The following PGAP2 variants were observed in gnomAD, a reference collection of about 807,000 sequenced individuals.
PGAP2 encodes the protein acyltransferase PGAP2.
Under a neutral mutation model 33.2 loss-of-function variants are expected in PGAP2, and 21 were observed. The ratio of observed to expected loss-of-function variants is 0.63; its 90% CI spans 0.45 to 0.91. PGAP2 has a LOEUF of 0.91. Ranked by LOEUF, PGAP2 falls within the 40% of genes least tolerant of loss-of-function variation. The pLI, the probability that PGAP2 is intolerant of heterozygous loss-of-function variation, is 0.00. For synonymous variants in PGAP2, 161 were observed against 172.9 expected (o/e 0.93, Z 0.54); for missense variants, 345 against 424.0 (o/e 0.81, Z 1.64).
At chr11:3,818,057 C>CAAAACAAA in intron 3 of PGAP2, 1 of 149,230 alleles carries the variant, frequency 6.7e-6, no homozygotes, top group South Asian at 7.0e-5. Context: ...AAAAACAAAA[C>CAAAACAAA]AAAATAAAAA....
intron 1 of PGAP2, among the ~76,000 whole-genome samples, chr11:3,809,425 A>G (rs74982890): frequency 2.0e-5 from 3 of 152,364 alleles, no homozygotes; most frequent in East Asian, 1.9e-4. Flanking sequence ...AAGGTCACAC[A>G]GCTAAATGGG....
At chr11:3,808,415 G>A (rs2134266574), upstream of PGAP2, 1 of 1,546,010 alleles carries the variant, frequency 6.5e-7, no homozygotes, top group South Asian at 1.2e-5. Flanking sequence ...GCAGACCCGG[G>A]CTGTAAAGCA....
chr11:3,808,140 G>C (rs1224806722), upstream of PGAP2: 1 of 1,453,312 alleles, frequency 6.9e-7, no homozygotes, highest in Admixed American at 2.2e-5. Context: ...GCAAAGTTTG[G>C]GGGAGGGGCG....
chr11:3,807,370 C>T (rs2084593669), upstream of PGAP2, among the ~76,000 whole-genome samples: 1 of 141,780 alleles, frequency 7.1e-6, no homozygotes, highest in Non-Finnish European at 1.5e-5. Flanking sequence ...TGCAGTGGTA[C>T]GATCTCAGCT....
intron 1 of PGAP2, among the ~76,000 whole-genome samples, chr11:3,799,835 C>T (rs1424704666): frequency 6.6e-6 from 1 of 152,076 alleles, no homozygotes; most frequent in Admixed American, 6.6e-5. Context: ...GGTGTGGTGG[C>T]AAGCGCCTGT....
In PGAP2 at chr11:3,811,496, A is replaced by G; in HGVS notation, c.165+72A>G. Reference sequence around the variant, plus strand: ...CTTCTTTAGATCTTGAATATCTTTTAACAAGATTAGCCAGCTCTCCACTGG... The same window carrying G: ...CTTCTTTAGATCTTGAATATCTTTTGACAAGATTAGCCAGCTCTCCACTGG... On this transcript the variant is annotated intron_variant, in intron 2 of 6. Coordinates refer to ENST00000278243, the MANE Select transcript of PGAP2 (RefSeq NM_014489.4). This position sits in a 1 kb window ranked among gnomAD's most constrained non-coding sequence, Gnocchi z 4.6. 2 of 1,427,194 alleles carry G rather than the reference A, an allele frequency of 1.4e-6. No homozygotes were observed. Among genetic ancestry groups the G allele is most frequent in the Non-Finnish European group, 9.6e-7 (1 of 1,043,838 alleles). 88.4% of individuals were successfully genotyped at this position (1,427,194 alleles called of 1,614,324 possible). A position where few individuals can be genotyped will look rare whatever the true frequency, so the allele number is the denominator to read the frequency against.
intron 4 of PGAP2, 32 bp downstream of exon 4, chr11:3,824,167 G>A: frequency 1.2e-6 from 2 of 1,613,470 alleles, no homozygotes; most frequent in Admixed American, 3.3e-5. Flanking sequence ...GAGTGGGGAA[G>A]TGTTCCCTGA....
At chr11:3,823,024 C>CTTTTTTTTTTTTTTTTTTTTT (rs746736798) in intron 3 of PGAP2, 10 of 307,690 alleles carry the variant, frequency 3.3e-5, no homozygotes, top group East Asian at 9.8e-5. Context: ...TTTTTCTTTT[C>CTTTTTTTTTTTTTTTTTTTTT]TTTTTTTTTT....
At position 3,825,666 on chromosome 11, in the gene PGAP2, C is replaced by A. The variant is rs1252320399; in HGVS notation, c.*208C>A. 1 of 436,892 alleles carries A rather than the reference C, an allele frequency of 2.3e-6. No individual in the cohort carries two copies. Among genetic ancestry groups the A allele is most frequent in the Non-Finnish European group, 4.1e-6 (1 of 244,080 alleles). The allele number at this position is 436,892 out of a possible 1,614,324, so 27.1% of individuals were successfully genotyped here. A position where few individuals can be genotyped will look rare whatever the true frequency, so the allele number is the denominator to read the frequency against. ...ATGGGCGTGGGGTCCTCAAACATCA[C>A]CTTTACCTGAGAGGCCCCAAGAAGC... On this transcript the variant is annotated 3_prime_UTR_variant, in exon 7 of 7. Transcript: ENST00000278243.
upstream of PGAP2, chr11:3,797,811 C>T (rs777930856): frequency 1.3e-6 from 2 of 1,546,574 alleles, no homozygotes; most frequent in African/African-American, 1.4e-5. Flanking sequence ...CGTGTCGTGA[C>T]GTCACACAGG....
chr11:3,822,308 G>C (rs1249381289), intron 3 of PGAP2, among the ~76,000 whole-genome samples: 1 of 152,244 alleles, frequency 6.6e-6, no homozygotes, highest in Non-Finnish European at 1.5e-5. Context: ...AGCTTGCAGT[G>C]AGCCAAGATC....
intron 2 of PGAP2, among the ~76,000 whole-genome samples, chr11:3,814,144 T>C (rs1565008439): frequency 6.6e-6 from 1 of 152,218 alleles, no homozygotes; most frequent in African/African-American, 2.4e-5. Context: ...ATATCTGTAA[T>C]TGATTACTTT....
intron 5 of PGAP2, chr11:3,824,722 C>G (rs955072125): frequency 8.5e-7 from 1 of 1,181,776 alleles, no homozygotes; most frequent in African/African-American, 1.5e-5. Context: ...ACATGGGTTT[C>G]TTTTCCCCCA....
At position 3,822,973 on chromosome 11, in the gene PGAP2, C is replaced by A. The variant is rs773988754; in HGVS notation, c.349-910C>A. On this transcript the variant is annotated intron_variant, in intron 3 of 6. Coordinates refer to ENST00000278243, the MANE Select transcript of PGAP2 (RefSeq NM_014489.4). ...TGGTGGAGATGCACAAGAACATGGT[C>A]ATTTCCTTAGACTACCCCAGGTTAG... 6 of 1,507,424 alleles carry A rather than the reference C, an allele frequency of 4.0e-6. No individual in the cohort carries two copies. The South Asian group carries it at 7.4e-5, about 18-fold the overall frequency. The allele number at this position is 1,507,424 out of a possible 1,614,324, so 93.4% of individuals were successfully genotyped here.
chr11:3,798,255 C>G (rs2082861781), intron 1 of PGAP2, among the ~76,000 whole-genome samples: 1 of 152,234 alleles, frequency 6.6e-6, no homozygotes, highest in African/African-American at 2.4e-5. Context: ...AGGGACTGGC[C>G]CACCAAAGGG....
intron 3 of PGAP2, among the ~76,000 whole-genome samples, chr11:3,821,498 C>T (rs1565043218): frequency 6.6e-6 from 1 of 152,234 alleles, no homozygotes; most frequent in Non-Finnish European, 1.5e-5. Flanking sequence ...TGGCTCACGC[C>T]TGTAATCCCA....
In PGAP2 at chr11:3,825,387, A is replaced by C; in HGVS notation, c.877A>C (p.Met293Leu). Residue 293 changes from methionine to leucine, a missense_variant, in exon 7 of 7, where the codon ATG becomes CTG. Met to Leu is a conservative substitution (Grantham distance 15, BLOSUM62 2). This residue lies in a region of PGAP2 where 311 missense variants were observed against 353.6 expected (regional missense o/e 0.88). Transcript: ENST00000278243. ...TVVLTNMAFH[M>L]TAWWDFGNKE... Reference sequence around the variant, plus strand: ...TGTCTTAACCAACATGGCGTTCCACATGACGGCCTGGTGGGACTTCGGGAA... The same window carrying C: ...TGTCTTAACCAACATGGCGTTCCACCTGACGGCCTGGTGGGACTTCGGGAA... 6.2e-7 allele frequency: 1 copy of C among 1,613,976 alleles called. No individual in the cohort carries two copies. The highest frequency in any genetic ancestry group is 8.5e-7 in the Non-Finnish European group (1 of 1,179,958).
At position 3,825,071 on chromosome 11, in the gene PGAP2, T is replaced by C; in HGVS notation, c.760T>C (p.Ser254Pro). ...KQRLFIINFI[S>P]FFSALAVYFR... ...GCGGCTCTTCATCATCAACTTCATC[T>C]CCTTCTTCTCGGCGCTGGCTGTCTA... Residue 254 changes from serine to proline, a missense_variant, in exon 6 of 7, where the codon TCC becomes CCC. Ser to Pro is a moderately conservative substitution (Grantham distance 74). This residue lies in a region of PGAP2 where 311 missense variants were observed against 353.6 expected (regional missense o/e 0.88). Transcript: ENST00000278243. The C allele has an allele frequency of 6.2e-7, 1 of 1,614,096 alleles. No individual in the cohort carries two copies.
At chr11:3,798,867 T>C (rs2083018169) in intron 1 of PGAP2, among the ~76,000 whole-genome samples, 1 of 151,826 alleles carries the variant, frequency 6.6e-6, no homozygotes, top group Admixed American at 6.6e-5. Context: ...GGTCTCGAAC[T>C]CCGGAACTCA....
Sources: allele counts gnomAD v4.1 joint callset (sites outside exome capture counted in the v4.1 genomes callset), GRCh38; gene constraint gnomAD v4.1.1; regional missense constraint gnomAD v4.1.1; non-coding constraint Gnocchi (gnomAD v3.1); transcripts MANE v1.5; gene names NCBI Gene and HGNC (gene_info 2026-07-23, HGNC 2026-07-21).